Variants in C17orf78 observed in about 807,000 individuals in gnomAD.
The protein encoded by C17orf78 is chromosome 17 open reading frame 78.
In C17orf78, 27 loss-of-function variants were observed where a neutral mutation model predicts 31.8. That is an observed-to-expected ratio of 0.85 (90% CI 0.63 to 1.17). The LOEUF (loss-of-function observed/expected upper bound fraction) is 1.17. Ranked by LOEUF, C17orf78 falls within the 50% of genes most tolerant of loss-of-function variation. The pLI, the probability that C17orf78 is intolerant of heterozygous loss-of-function variation, is 0.00. For synonymous variants in C17orf78, 106 were observed against 115.1 expected (o/e 0.92, Z 0.51); for missense variants, 258 against 315.2 (o/e 0.82, Z 1.37).
At chr17:37,381,161 T>C (rs1256978443) in intron 3 of C17orf78, among the ~76,000 whole-genome samples, 1 of 151,974 alleles carries the variant, frequency 6.6e-6, no homozygotes, top group Admixed American at 6.6e-5. Context: ...TTTTGTTTTT[T>C]GTTGTTATTG....
intron 1 of C17orf78, among the ~76,000 whole-genome samples, chr17:37,376,799 G>T (rs998237209): frequency 2.0e-5 from 3 of 151,640 alleles, no homozygotes; most frequent in Non-Finnish European, 4.4e-5. Flanking sequence ...TACTAAAAGT[G>T]CAAAAATTAG....
chr17:37,382,599 C>T (rs1197825086), intron 3 of C17orf78, among the ~76,000 whole-genome samples: 2 of 152,136 alleles, frequency 1.3e-5, no homozygotes, highest in Admixed American at 6.6e-5. Context: ...CGGTGGCTCA[C>T]GCCTGTAATC....
rs200503764 is a variant in C17orf78 at position 37,377,876 on chromosome 17, C to T, written c.59-3C>T. 1.0e-4 allele frequency: 163 copies of T among 1,613,246 alleles called. No individual in the cohort carries two copies. In the African/African-American group the frequency reaches 1.8e-3, roughly 18 times the overall value. Reference sequence around the variant, plus strand: ...CCCCTCCTCCCCCTCTGCTCACCCCCAGACCTCAGAGATAGCAGTTGCCGA... The same window carrying T: ...CCCCTCCTCCCCCTCTGCTCACCCCTAGACCTCAGAGATAGCAGTTGCCGA... On this transcript the variant is annotated splice_polypyrimidine_tract_variant and splice_region_variant and intron_variant, in intron 1 of 6. Coordinates refer to ENST00000615133, the MANE Select transcript of C17orf78 (RefSeq NM_173625.5).
intron 3 of C17orf78, among the ~76,000 whole-genome samples, chr17:37,380,684 G>A (rs971309905): frequency 6.6e-6 from 1 of 151,768 alleles, no homozygotes; most frequent in Non-Finnish European, 1.5e-5. Context: ...TGCAACCTCT[G>A]CCTCCCAGGT....
At chr17:37,382,860 AAAAAC>A (rs1227219317) in intron 3 of C17orf78, among the ~76,000 whole-genome samples, 2 of 152,086 alleles carry the variant, frequency 1.3e-5, no homozygotes, top group African/African-American at 4.8e-5. Flanking sequence ...CTCTGTCTCA[AAAAAC>A]AAAACAAAAC....
chr17:37,390,940 G>T (rs780615767), intron 6 of C17orf78, among the ~76,000 whole-genome samples: 1 of 151,956 alleles, frequency 6.6e-6, no homozygotes, highest in Non-Finnish European at 1.5e-5. Context: ...GCTACTAAAT[G>T]ATAAAGGAAT....
chr17:37,392,432 T>C lies in C17orf78; in HGVS notation c.*708T>C, dbSNP rs952656613. On this transcript the variant is annotated 3_prime_UTR_variant, in exon 7 of 7. Coordinates refer to ENST00000615133, the MANE Select transcript of C17orf78 (RefSeq NM_173625.5). ...CAGAGCAAAATAATTATGATAATGC[T>C]GTTTCTCACAGGAGAATAGCTATGA... 2 of 152,194 alleles carry C rather than the reference T, an allele frequency of 1.3e-5. No individual in the cohort carries two copies. Among genetic ancestry groups the C allele is most frequent in the Non-Finnish European group, 2.9e-5 (2 of 68,040 alleles). 9.4% of individuals were successfully genotyped at this position (152,194 alleles called of 1,614,324 possible).
At chr17:37,384,991 T>C (rs1278840106) in intron 3 of C17orf78, among the ~76,000 whole-genome samples, 1 of 152,226 alleles carries the variant, frequency 6.6e-6, no homozygotes, top group Non-Finnish European at 1.5e-5. Context: ...ATTAGGTCAA[T>C]TCTGGAGACG....
chr17:37,385,722 T>C (rs1185982681), intron 3 of C17orf78, among the ~76,000 whole-genome samples: 1 of 152,174 alleles, frequency 6.6e-6, no homozygotes, highest in Non-Finnish European at 1.5e-5. Flanking sequence ...TTATTATTAT[T>C]ATGGCCTAAA....
At chr17:37,381,952 C>A (rs888556967) in intron 3 of C17orf78, among the ~76,000 whole-genome samples, 1 of 152,040 alleles carries the variant, frequency 6.6e-6, no homozygotes, top group Admixed American at 6.6e-5. Flanking sequence ...TCTACTAGCC[C>A]CCTATTGATA....
Position 37,391,730 on chromosome 17 carries a change from T to G in C17orf78, c.*6T>G. 1 of 1,611,182 alleles carries G rather than the reference T, an allele frequency of 6.2e-7. No homozygotes were observed. Among genetic ancestry groups the G allele is most frequent in the South Asian group, 1.1e-5 (1 of 91,022 alleles). ...TCCACCAGACATACTTCTGAAAAGTTCTGCTCTATCTCAAAGACTGAATGA... is the reference window on the plus strand; with the variant it reads ...TCCACCAGACATACTTCTGAAAAGTGCTGCTCTATCTCAAAGACTGAATGA... On this transcript the variant is annotated 3_prime_UTR_variant, in exon 7 of 7. Coordinates refer to ENST00000615133, the MANE Select transcript of C17orf78 (RefSeq NM_173625.5).
chr17:37,386,076 C>A lies in C17orf78; in HGVS notation c.459C>A (p.Ala153=). ...GASSETFPTT[A]PSITPGNKEG... is the part of the protein sequence containing the mutation. Reference sequence around the variant, plus strand: ...CATCAGAGACTTTTCCCACCACTGCCCCTTCTATAACTCCTGGGAATAAAG... The same window carrying A: ...CATCAGAGACTTTTCCCACCACTGCACCTTCTATAACTCCTGGGAATAAAG... The change falls in exon 4 of 7, where the codon GCC becomes GCA. Residue 153 remains alanine, a synonymous_variant. Transcript: ENST00000615133. 1 of 1,603,020 alleles carries A rather than the reference C, an allele frequency of 6.2e-7. No individual in the cohort carries two copies. Among genetic ancestry groups the A allele is most frequent in the South Asian group, 1.1e-5 (1 of 89,710 alleles).
At chr17:37,391,194 C>T (rs1415696388) in intron 6 of C17orf78, among the ~76,000 whole-genome samples, 1 of 152,126 alleles carries the variant, frequency 6.6e-6, no homozygotes, top group African/African-American at 2.4e-5. Context: ...GCTGAGATCA[C>T]ACCACTGCAC....
At chr17:37,383,460 A>G (rs533473218) in intron 3 of C17orf78, among the ~76,000 whole-genome samples, 4 of 152,352 alleles carry the variant, frequency 2.6e-5, no homozygotes, top group African/African-American at 9.6e-5. Flanking sequence ...GCTATGCAAA[A>G]AGATTAAATG....
At chr17:37,377,529 G>A (rs760614054) in intron 1 of C17orf78, among the ~76,000 whole-genome samples, 3 of 151,896 alleles carry the variant, frequency 2.0e-5, no homozygotes, top group Non-Finnish European at 2.9e-5. Flanking sequence ...GCATGGTGGT[G>A]CATGCCCGTA....
At position 37,391,500 on chromosome 17, in the gene C17orf78, C is replaced by T. The variant is rs1231752049; in HGVS notation, c.751-147C>T. On this transcript the variant is annotated intron_variant, in intron 6 of 6. Coordinates refer to ENST00000615133, the MANE Select transcript of C17orf78 (RefSeq NM_173625.5). ...TATGTGCACCTTGATCATACTTTCTCAGTGTAATTATCGATTAACAAAGAG... is the reference window on the plus strand; with the variant it reads ...TATGTGCACCTTGATCATACTTTCTTAGTGTAATTATCGATTAACAAAGAG... The T allele has an allele frequency of 4.3e-6, 3 of 692,238 alleles. No individual in the cohort carries two copies. The Admixed American group carries it at 7.0e-5, about 16-fold the overall frequency. The allele number at this position is 692,238 out of a possible 1,614,324, so 42.9% of individuals were successfully genotyped here.
At chr17:37,385,491 G>A (rs958594043) in intron 3 of C17orf78, among the ~76,000 whole-genome samples, 2 of 151,696 alleles carry the variant, frequency 1.3e-5, no homozygotes, top group African/African-American at 4.8e-5. Flanking sequence ...AAAAATTGCT[G>A]AATGAATGAA....
intron 5 of C17orf78, 85 bp downstream of exon 5, chr17:37,388,879 A>T: frequency 6.6e-7 from 1 of 1,511,900 alleles, no homozygotes; most frequent in Non-Finnish European, 9.0e-7. Flanking sequence ...TAAGGAGAAA[A>T]GCATAGACTT....
intron 6 of C17orf78, among the ~76,000 whole-genome samples, chr17:37,390,167 T>C (rs1219904093): frequency 0.24 from 13,391 of 56,708 alleles, 2,450 homozygotes; most frequent in East Asian, 0.77. Flanking sequence ...TATATATATA[T>C]ATATATATAC....
Sources: gnomAD v4.1 joint callset for allele counts (sites outside exome capture counted in the v4.1 genomes callset) on GRCh38, gnomAD v4.1.1 for gene constraint, MANE v1.5 for transcripts, NCBI Gene and HGNC (gene_info 2026-07-23, HGNC 2026-07-21) for gene names.